The following USP34 variants were observed in gnomAD, a reference collection of about 807,000 sequenced individuals.
The protein encoded by USP34 is ubiquitin carboxyl-terminal hydrolase 34.
USP34 carries 70 observed loss-of-function variants against 460.3 expected under a neutral mutation model. That is an observed-to-expected ratio of 0.15 (90% CI 0.13 to 0.19). USP34 has a LOEUF of 0.19. Ranked by LOEUF, USP34 falls within the 10% of genes least tolerant of loss-of-function variation. The pLI is 1.00. For synonymous variants in USP34, 1,647 were observed against 1,405.3 expected (o/e 1.17, Z -3.85); for missense variants, 3,985 against 4,236.2 (o/e 0.94, Z 1.65).
At chr2:61,336,758 C>T (rs1487522982) in intron 18 of USP34, among the ~76,000 whole-genome samples, 3 of 129,338 alleles carry the variant, frequency 2.3e-5, no homozygotes, top group African/African-American at 8.8e-5. Flanking sequence ...TGTCGTCAGC[C>T]AAGATCATGT....
Position 61,241,759 on chromosome 2 carries a change from T to G in USP34, c.6681+7A>C. On this transcript the variant is annotated splice_region_variant and intron_variant, in intron 52 of 79. Coordinates refer to ENST00000398571, the MANE Select transcript of USP34 (RefSeq NM_014709.4). ...AATATAAAATTATACATGAAAAAAATGGTTACCTTTTCAAAAGAGAAGTCC... is the reference window on the plus strand; with the variant it reads ...AATATAAAATTATACATGAAAAAAAGGGTTACCTTTTCAAAAGAGAAGTCC... 1.3e-6 allele frequency: 2 copies of G among 1,518,510 alleles called. No homozygotes were observed. The highest frequency in any genetic ancestry group is 8.9e-7 in the Non-Finnish European group (1 of 1,120,902). 94.1% of individuals were successfully genotyped at this position (1,518,510 alleles called of 1,614,324 possible).
chr2:61,215,103 C>T (rs1327272516), intron 67 of USP34, among the ~76,000 whole-genome samples: 2 of 152,104 alleles, frequency 1.3e-5, no homozygotes, highest in Non-Finnish European at 1.5e-5. Context: ...TCTTAGTTTT[C>T]TTCTTAATTG....
At chr2:61,319,041 A>G in intron 22 of USP34, 132 bp downstream of exon 22, 2 of 809,922 alleles carry the variant, frequency 2.5e-6, no homozygotes, top group Non-Finnish European at 3.6e-6. Context: ...TTATATTAGG[A>G]CTGCTAAAAT....
At chr2:61,304,580 CTTGA>C (rs1388988732) in intron 27 of USP34, among the ~76,000 whole-genome samples, 1 of 152,184 alleles carries the variant, frequency 6.6e-6, no homozygotes, top group Non-Finnish European at 1.5e-5. Context: ...AAGGAGCTTG[CTTGA>C]GCCTTCTACC....
At chr2:61,190,688 T>TA (rs1686612099) in intron 76 of USP34, 30 bp from the exon 77 acceptor site, 10 of 1,597,360 alleles carry the variant, frequency 6.3e-6, no homozygotes, top group South Asian at 1.1e-5. Context: ...GTTGAGCACT[T>TA]ACGGTTGAGC....
At position 61,470,836 on chromosome 2, in the gene USP34, G is replaced by A; in HGVS notation, c.-144C>T. On this transcript the variant is annotated 5_prime_UTR_variant, in exon 1 of 80. Coordinates refer to ENST00000398571, the MANE Select transcript of USP34 (RefSeq NM_014709.4). ...ACTAGGGCGGGCGGCGGCGGGGACG[G>A]GGCGGGGAGCAAGAGAATGGGGGAG... 1 of 508,210 alleles carries A rather than the reference G, an allele frequency of 2.0e-6. No homozygotes were observed. Among genetic ancestry groups the A allele is most frequent in the South Asian group, 2.3e-5 (1 of 42,614 alleles). The allele number at this position is 508,210 out of a possible 1,614,324, so 31.5% of individuals were successfully genotyped here.
chr2:61,296,861 A>G lies in USP34; in HGVS notation c.4193T>C (p.Leu1398Pro). 1.2e-6 allele frequency: 2 copies of G among 1,614,002 alleles called. No individual in the cohort carries two copies. The highest frequency in any genetic ancestry group is 1.7e-6 in the Non-Finnish European group (2 of 1,179,922). Residue 1398 changes from leucine to proline, a missense_variant, in exon 30 of 80, where the codon CTG (leucine) becomes CCG (proline). Physicochemically the swap from Leu to Pro is moderately conservative, Grantham distance 98. Around this residue, in one of 14 missense-constraint regions of USP34, gnomAD observed 1,114 missense variants for 1,122.5 expected, o/e 0.99. Transcript: ENST00000398571. ...ATTAGGACATGTAGGAAGAAGCATCAGTAGCTCCCAGACCCGCCTAGACAG... is the reference window on the plus strand; with the variant it reads ...ATTAGGACATGTAGGAAGAAGCATCGGTAGCTCCCAGACCCGCCTAGACAG... ...ENLSRRVWEL[L>P]MLLPTCPNML...
chr2:61,457,329 CA>C (rs1198915038), intron 1 of USP34, among the ~76,000 whole-genome samples: 1 of 152,056 alleles, frequency 6.6e-6, no homozygotes, highest in Non-Finnish European at 1.5e-5. Context: ...AAACTGAGGT[CA>C]AAACCAAGGA....
chr2:61,374,027 G>A lies in USP34; in HGVS notation c.1077-3448C>T, dbSNP rs535633320. Among the ~76,000 whole-genome samples, 6 of 152,106 alleles carry A rather than the reference G, an allele frequency of 3.9e-5. No individual in the cohort carries two copies. The South Asian group carries it at 1.0e-3, about 26-fold the overall frequency. On this transcript the variant is annotated intron_variant, in intron 8 of 79. Coordinates refer to ENST00000398571, the MANE Select transcript of USP34 (RefSeq NM_014709.4). ...AAAAATTAGCCAGGCGTGGTGGCAG[G>A]TGCCTATAATCCCAGTTACTCAGGA...
At chr2:61,329,741 T>G (rs1691204749) in intron 20 of USP34, among the ~76,000 whole-genome samples, 3 of 152,350 alleles carry the variant, frequency 2.0e-5, no homozygotes, top group South Asian at 4.1e-4. Context: ...AACTACAATT[T>G]GTAGATAACC....
rs760944212 is a variant in USP34, at chr2:61,370,411, A to G, written c.1161T>C (p.Ile387=). Residue 387 remains isoleucine, a splice_region_variant and synonymous_variant, in exon 10 of 80, where the codon ATT becomes ATC. Coordinates refer to ENST00000398571, the MANE Select transcript of USP34 (RefSeq NM_014709.4). ...TCAAAATCACTTGGCACTGTTTGAT[A>G]ATCTGGAAAAGAAAAACTTAATATC... ...HIFGPNLHIE[I]IKQCQVILNF... The G allele has an allele frequency of 7.7e-5, 124 of 1,613,812 alleles. No individual in the cohort carries two copies. Among genetic ancestry groups the G allele is most frequent in the Non-Finnish European group, 1.9e-5 (22 of 1,179,948 alleles).
intron 53 of USP34, among the ~76,000 whole-genome samples, chr2:61,240,073 G>T (rs1009132477): frequency 6.7e-6 from 1 of 149,136 alleles, no homozygotes. Context: ...TTTTTATCCA[G>T]ATAGTAAAAG....
chr2:61,319,307 C>T lies in USP34; in HGVS notation c.3034G>A (p.Asp1012Asn), dbSNP rs927368445. The change falls in exon 22 of 80, where the codon GAC becomes AAC. Residue 1012 changes from aspartate to asparagine, a missense_variant. By Grantham distance (23) the Asp-to-Asn change is conservative. Around this residue, in one of 14 missense-constraint regions of USP34, gnomAD observed 1,114 missense variants for 1,122.5 expected, o/e 0.99. Coordinates refer to ENST00000398571, the MANE Select transcript of USP34 (RefSeq NM_014709.4). ...DHFRLSLEQV[D>N]ILWHCLVEDS... ...TCTACTAAACAATGCCATAAGATGT[C>T]AACTTGCTCTAAACTTAACCCTAGA... 3.2e-6 allele frequency: 5 copies of T among 1,560,920 alleles called. No homozygotes were observed. The highest frequency in any genetic ancestry group is 4.3e-6 in the Non-Finnish European group (5 of 1,162,844).
intron 75 of USP34, chr2:61,199,894 T>C (rs1347875821): frequency 6.6e-6 from 1 of 152,390 alleles, no homozygotes; most frequent in Non-Finnish European, 1.5e-5. Flanking sequence ...TGTGATATCT[T>C]GATATTTATC....
At chr2:61,455,724 T>C (rs1241280965) in intron 1 of USP34, among the ~76,000 whole-genome samples, 1 of 152,222 alleles carries the variant, frequency 6.6e-6, no homozygotes, top group African/African-American at 2.4e-5. Flanking sequence ...TAAAACTATT[T>C]CACAAAATTT....
At position 61,229,468 on chromosome 2, in the gene USP34, A is replaced by C. The variant is rs534665175; in HGVS notation, c.7199+80T>G. On this transcript the variant is annotated intron_variant, in intron 59 of 79. Transcript: ENST00000398571. ...GAAACCCTATCTCTTAAAAAAAAAA[A>C]AAAAAAACAAAAAAAAAAAACAAAA... 344 of 628,424 alleles carry C rather than the reference A, an allele frequency of 5.5e-4. 3 individuals are homozygous for C. The highest frequency in any genetic ancestry group is 1.7e-3 in the East Asian group (36 of 21,454). 38.9% of individuals were successfully genotyped at this position (628,424 alleles called of 1,614,324 possible).
intron 41 of USP34, 147 bp from the exon 42 acceptor site, chr2:61,266,314 T>C: frequency 1.3e-6 from 1 of 744,608 alleles, no homozygotes; most frequent in African/African-American, 1.7e-5. Flanking sequence ...AAGTCCTCCG[T>C]GTTCATTTCT....
At chr2:61,325,703 A>C (rs1691064780) in intron 20 of USP34, among the ~76,000 whole-genome samples, 1 of 152,180 alleles carries the variant, frequency 6.6e-6, no homozygotes, top group South Asian at 2.1e-4. Context: ...AAGAAAGCAC[A>C]CAAAAATTCA....
Position 61,311,664 on chromosome 2 carries a change from A to G in USP34, c.3693T>C (p.Ser1231=). Residue 1231 remains serine, a synonymous_variant, in exon 27 of 80, where the codon AGT becomes AGC. Coordinates refer to ENST00000398571, the MANE Select transcript of USP34 (RefSeq NM_014709.4). The part of the protein sequence containing the change: ...PDKMTIEMYP[S]DQVADLRAEV... ...CAGCCCTAAGATCTGCTACCTGGTC[A>G]CTAGGATACATTTCAATAGTCATCT... The G allele has an allele frequency of 1.9e-6, 3 of 1,611,928 alleles. No homozygotes were observed. Among genetic ancestry groups the G allele is most frequent in the East Asian group, 2.2e-5 (1 of 44,854 alleles).
Sources: allele counts gnomAD v4.1 joint callset (sites outside exome capture counted in the v4.1 genomes callset), GRCh38; gene constraint gnomAD v4.1.1; regional missense constraint gnomAD v4.1.1; transcripts MANE v1.5; gene names NCBI Gene and HGNC (gene_info 2026-07-23, HGNC 2026-07-21).